NAPG: variants seen among roughly 807,000 people sequenced by gnomAD.
NAPG encodes the protein NSF attachment protein gamma.
In NAPG, 25 loss-of-function variants were observed where a neutral mutation model predicts 48.4. That is an observed-to-expected ratio of 0.52 (90% CI 0.38 to 0.72). NAPG has a LOEUF of 0.72. NAPG is among the 30% of genes least tolerant of loss of function. NAPG has a pLI of 0.00. For synonymous variants in NAPG, 139 were observed against 127.2 expected (o/e 1.09, Z -0.62); for missense variants, 359 against 372.5 (o/e 0.96, Z 0.30).
chr18:10,531,100 G>A (rs1385133871), intron 2 of NAPG, among the ~76,000 whole-genome samples: 1 of 152,032 alleles, frequency 6.6e-6, no homozygotes, highest in African/African-American at 2.4e-5. Context: ...GGTTTTTAGC[G>A]TTGCTTATAT....
chr18:10,533,637 A>T, intron 4 of NAPG, 84 bp downstream of exon 4: 1 of 1,182,676 alleles, frequency 8.5e-7, no homozygotes, highest in Non-Finnish European at 1.2e-6. Flanking sequence ...TTTTTTCCCA[A>T]ATTATAAATT....
At chr18:10,549,744 C>T (rs1450825116) in intron 11 of NAPG, among the ~76,000 whole-genome samples, 1 of 152,058 alleles carries the variant, frequency 6.6e-6, no homozygotes, top group Non-Finnish European at 1.5e-5. Flanking sequence ...ATCATAGTAT[C>T]AGATCAACTT....
At chr18:10,540,505 G>A in intron 8 of NAPG, 106 bp downstream of exon 8, 1 of 804,956 alleles carries the variant, frequency 1.2e-6, no homozygotes, top group Non-Finnish European at 2.1e-6. Context: ...GGTATAAGCT[G>A]TAGACACACC....
At chr18:10,530,743 C>T (rs751696471) in intron 1 of NAPG, 27 bp from the exon 2 acceptor site, 44 of 1,499,494 alleles carry the variant, frequency 2.9e-5, no homozygotes, top group Non-Finnish European at 2.7e-5. Context: ...TTGGTAACTC[C>T]TGTTAACTGT....
chr18:10,536,962 G>GTT (rs796475932), intron 5 of NAPG, among the ~76,000 whole-genome samples: 7 of 143,440 alleles, frequency 4.9e-5, no homozygotes, highest in African/African-American at 1.1e-4. Context: ...GCCTGTTTTT[G>GTT]TTTTTTTTTT....
chr18:10,550,031 G>C lies in NAPG; in HGVS notation c.796-46G>C, dbSNP rs990978240. On this transcript the variant is annotated intron_variant, in intron 11 of 11. Transcript: ENST00000322897. Reference sequence around the variant, plus strand: ...TTTTAGAGCTGAGTAAAACATGTTAGGATTCTAGTTATCCAGCTTTTAAGA... The same window carrying C: ...TTTTAGAGCTGAGTAAAACATGTTACGATTCTAGTTATCCAGCTTTTAAGA... 4.7e-6 allele frequency: 7 copies of C among 1,487,566 alleles called. No individual in the cohort carries two copies. The South Asian group carries it at 5.7e-5, about 12-fold the overall frequency. The allele number at this position is 1,487,566 out of a possible 1,614,324, so 92.1% of individuals were successfully genotyped here. A position where few individuals can be genotyped will look rare whatever the true frequency, so the allele number is the denominator to read the frequency against.
chr18:10,529,570 T>G lies in NAPG; in HGVS notation c.57-1200T>G, dbSNP rs1237712935. On this transcript the variant is annotated intron_variant, in intron 1 of 11. Transcript: ENST00000322897. ...GGAGTTCGAGACCACCTGGCCAACA[T>G]GGCGAAACCTCTTCTCTACTAAAAA... 2.6e-5 allele frequency among the ~76,000 whole-genome samples: 4 copies of G among 152,278 alleles called. No individual in the cohort carries two copies. The Middle Eastern group carries it at 0.014, about 518-fold the overall frequency.
Position 10,539,638 on chromosome 18 carries a change from C to T in NAPG, c.259-124C>T. 2.6e-6 allele frequency: 2 copies of T among 779,508 alleles called. No individual in the cohort carries two copies. The highest frequency in any genetic ancestry group is 2.7e-5 in the East Asian group (1 of 37,248). 48.3% of individuals were successfully genotyped at this position (779,508 alleles called of 1,614,324 possible). Reference sequence around the variant, plus strand: ...GGGACATGTATACCTATGTAACAAACCTGCACATTCTGCACATGTGTCCCA... The same window carrying T: ...GGGACATGTATACCTATGTAACAAATCTGCACATTCTGCACATGTGTCCCA... On this transcript the variant is annotated intron_variant, in intron 5 of 11. Transcript: ENST00000322897. This position sits in a 1 kb window ranked among gnomAD's most constrained non-coding sequence, Gnocchi z 4.7.
Position 10,536,529 on chromosome 18 carries a change from A to G in NAPG, c.258+2033A>G, listed in dbSNP as rs752754963. ...CTCCACTGGCACACAGCCATTGAAA[A>G]TAGGCATATTTATGGTGGAGGGTAT... On this transcript the variant is annotated intron_variant, in intron 5 of 11. Coordinates refer to ENST00000322897, the MANE Select transcript of NAPG (RefSeq NM_003826.3). Among the ~76,000 whole-genome samples, 16 of 152,344 alleles carry G rather than the reference A, an allele frequency of 1.1e-4. No individual in the cohort carries two copies. The South Asian group carries it at 2.1e-3, about 20-fold the overall frequency.
rs1171927336 is a variant in NAPG, at chr18:10,550,270, G to C, written c.*50G>C. The C allele has an allele frequency of 3.2e-6, 5 of 1,538,614 alleles. No homozygotes were observed. Among genetic ancestry groups the C allele is most frequent in the Non-Finnish European group, 3.5e-6 (4 of 1,146,460 alleles). ...GGAAACAAAGGTAAAATCCTGACAT[G>C]CCATTTCAAGGACTTGGGAATAGAT... On this transcript the variant is annotated 3_prime_UTR_variant, in exon 12 of 12. Coordinates refer to ENST00000322897, the MANE Select transcript of NAPG (RefSeq NM_003826.3).
intron 7 of NAPG, 42 bp from the exon 8 acceptor site, chr18:10,540,287 A>T (rs778971906): frequency 6.5e-7 from 1 of 1,544,178 alleles, no homozygotes; most frequent in Non-Finnish European, 8.9e-7. Context: ...AAACATTTCA[A>T]CATTAAAGCA....
At chr18:10,540,581 C>G in intron 8 of NAPG, 182 bp downstream of exon 8, 2 of 464,658 alleles carry the variant, frequency 4.3e-6, no homozygotes, top group Non-Finnish European at 3.8e-6. Context: ...ATTAAAAGAT[C>G]TGCTGTTTTT....
rs532958035 is a variant in NAPG, at chr18:10,539,467, A to G, written c.259-295A>G. On this transcript the variant is annotated intron_variant, in intron 5 of 11. Coordinates refer to ENST00000322897, the MANE Select transcript of NAPG (RefSeq NM_003826.3). The surrounding 1 kb of genome is among the most constrained non-coding windows in gnomAD (Gnocchi z 4.7). ...CATACGTGGGAATTGAACCACAAGGACACATGGACACAGGGAGGGGAACAT... is the reference window on the plus strand; with the variant it reads ...CATACGTGGGAATTGAACCACAAGGGCACATGGACACAGGGAGGGGAACAT... 1.1e-5 allele frequency: 3 copies of G among 270,862 alleles called. No homozygotes were observed. The South Asian group carries it at 1.6e-4, about 15-fold the overall frequency. The allele number at this position is 270,862 out of a possible 1,614,324, so 16.8% of individuals were successfully genotyped here.
rs1251213713 is a variant in NAPG at position 10,540,036 on chromosome 18, G to A, written c.417G>A (p.Gln139=). 1.3e-6 allele frequency: 2 copies of A among 1,586,862 alleles called. No individual in the cohort carries two copies. The highest frequency in any genetic ancestry group is 2.7e-5 in the African/African-American group (2 of 74,394). The part of the protein sequence containing the change: ...DPEKAVQLYQ[Q]TANVFENEER... ...AGAAGGCTGTACAGTTATATCAACA[G>A]ACAGCTAATGTGTTTGAAGTAAGTT... The change falls in exon 7 of 12, where the codon CAG becomes CAA. Residue 139 remains glutamine, a synonymous_variant. Coordinates refer to ENST00000322897, the MANE Select transcript of NAPG (RefSeq NM_003826.3).
Position 10,550,762 on chromosome 18 carries a change from A to G in NAPG, c.*542A>G, listed in dbSNP as rs375860232. On this transcript the variant is annotated 3_prime_UTR_variant, in exon 12 of 12. Transcript: ENST00000322897. The stretch of plus-strand genomic sequence containing the variant: ...GACAGGAAGTTATTTTGAGCCTTAC[A>G]ATATTATTTAGCCCAATAAAAGATG... 1.0e-4 allele frequency: 16 copies of G among 152,454 alleles called. No individual in the cohort carries two copies. In the East Asian group the frequency reaches 1.9e-3, roughly 18 times the overall value. The allele number at this position is 152,454 out of a possible 1,614,324, so 9.4% of individuals were successfully genotyped here. A position where few individuals can be genotyped will look rare whatever the true frequency, so the allele number is the denominator to read the frequency against.
rs2032276564 is a variant in NAPG, at chr18:10,546,813, A to AC, written c.585+413dup. The stretch of plus-strand genomic sequence containing the variant: ...TGCAACAATGAAAACTCCAAAAGAA[A>AC]CCCCGCCTTTCTAACCAGCAATGGG... On this transcript the variant is annotated intron_variant, in intron 9 of 11. Coordinates refer to ENST00000322897, the MANE Select transcript of NAPG (RefSeq NM_003826.3). The surrounding 1 kb of genome is among the most constrained non-coding windows in gnomAD (Gnocchi z 4.0). 6.6e-6 allele frequency among the ~76,000 whole-genome samples: 1 copy of AC among 151,894 alleles called. No homozygotes were observed. Among genetic ancestry groups the AC allele is most frequent in the African/African-American group, 2.4e-5 (1 of 41,332 alleles).
Position 10,526,068 on chromosome 18 carries a change from C to A in NAPG, c.-35C>A. 6.2e-7 allele frequency: 1 copy of A among 1,602,380 alleles called. No individual in the cohort carries two copies. The highest frequency in any genetic ancestry group is 1.1e-5 in the South Asian group (1 of 90,810). ...TTGGCGCCGGAGGAAGAGGCAGGGT[C>A]ACCCTCTCTCCACGTCAGAGACCTG... On this transcript the variant is annotated 5_prime_UTR_variant, in exon 1 of 12. Coordinates refer to ENST00000322897, the MANE Select transcript of NAPG (RefSeq NM_003826.3).
At chr18:10,526,239 C>CCTTCCCCCGGGGGGGGGGG in intron 1 of NAPG, 81 bp downstream of exon 1, 2 of 349,040 alleles carry the variant, frequency 5.7e-6, no homozygotes, top group East Asian at 1.4e-4. Context: ...CCGGGGGGGG[C>CCTTCCCCCGGGGGGGGGGG]GGGAGGGAGG....
rs117859529 is a variant in NAPG at position 10,530,084 on chromosome 18, G to A, written c.57-686G>A. Among the ~76,000 whole-genome samples the A allele has an allele frequency of 7.3e-3, 1,117 of 152,060 alleles. 25 individuals are homozygous for A. The highest frequency in any genetic ancestry group is 0.064 in the East Asian group (331 of 5,180). ...TCAAAATTGATTGTCCTTTGGTTTG[G>A]CATCCAAGAAGCCAGTAGTGATCCT... On this transcript the variant is annotated intron_variant, in intron 1 of 11. Transcript: ENST00000322897.
Sources: allele counts gnomAD v4.1 joint callset (sites outside exome capture counted in the v4.1 genomes callset), GRCh38; gene constraint gnomAD v4.1.1; non-coding constraint Gnocchi (gnomAD v3.1); transcripts MANE v1.5; gene names NCBI Gene and HGNC (gene_info 2026-07-23, HGNC 2026-07-21).